Variants in CAMK1D observed in about 807,000 individuals in gnomAD.
The protein encoded by CAMK1D is calcium/calmodulin dependent protein kinase ID, also known as calcium/calmodulin-dependent protein kinase type 1D.
A neutral mutation model predicts 47.7 loss-of-function variants in CAMK1D; 9 were observed. The observed-to-expected ratio is 0.19, with a 90% CI of 0.11 to 0.33. The LOEUF is 0.33. Ranked by LOEUF, CAMK1D falls within the 10% of genes least tolerant of loss-of-function variation. The pLI, the probability that CAMK1D is intolerant of heterozygous loss-of-function variation, is 1.00. For missense variants in CAMK1D, 291 were observed against 488.7 expected, an observed-to-expected ratio of 0.60 and a Z score of 3.81; for synonymous variants, 184 against 184.9, an observed-to-expected ratio of 0.99 and a Z score of 0.04.
At chr10:12,571,559 G>C (rs950253936) in intron 2 of CAMK1D, among the ~76,000 whole-genome samples, 12 of 152,220 alleles carry the variant, frequency 7.9e-5, no homozygotes, top group Admixed American at 5.2e-4. Flanking sequence ...CCCCGGTGAT[G>C]CATTTGTATA....
intron 1 of CAMK1D, among the ~76,000 whole-genome samples, chr10:12,523,421 C>G (rs185987313): frequency 2.6e-5 from 4 of 152,184 alleles, no homozygotes; most frequent in Non-Finnish European, 5.9e-5. Flanking sequence ...TGTAGCCAGC[C>G]GAGATCAGGC....
At chr10:12,599,018 A>G (rs1838226209) in intron 2 of CAMK1D, among the ~76,000 whole-genome samples, 1 of 152,214 alleles carries the variant, frequency 6.6e-6, no homozygotes, top group African/African-American at 2.4e-5. Context: ...TCAGGTATTC[A>G]TAGAATTCAG....
chr10:12,801,630 A>G (rs1012908852), intron 6 of CAMK1D, among the ~76,000 whole-genome samples: 6 of 152,012 alleles, frequency 3.9e-5, no homozygotes, highest in Non-Finnish European at 5.9e-5. Context: ...CCATCTATCT[A>G]TCTACCTATT....
chr10:12,777,203 G>A (rs1321891905), intron 5 of CAMK1D, among the ~76,000 whole-genome samples: 2 of 152,076 alleles, frequency 1.3e-5, no homozygotes, highest in African/African-American at 4.8e-5. Flanking sequence ...GCTGGATCCC[G>A]CAGAGGATAC....
chr10:12,749,579 G>A (rs4996160), intron 3 of CAMK1D, among the ~76,000 whole-genome samples: 27 of 135,692 alleles, frequency 2.0e-4, no homozygotes, highest in Non-Finnish European at 3.4e-4. Context: ...TGTTTGTTTT[G>A]ATGAAGTCTC....
At chr10:12,752,558 C>G (rs981593606) in intron 3 of CAMK1D, among the ~76,000 whole-genome samples, 6 of 152,118 alleles carry the variant, frequency 3.9e-5, no homozygotes, top group Non-Finnish European at 7.4e-5. Context: ...TTCCATGTAA[C>G]AAGCTGTACT....
chr10:12,696,344 C>T (rs544223857), intron 3 of CAMK1D, among the ~76,000 whole-genome samples: 1 of 152,212 alleles, frequency 6.6e-6, no homozygotes, highest in East Asian at 1.9e-4. Flanking sequence ...TGAGATCAGC[C>T]TGACCAACAA....
chr10:12,808,237 G>A (rs1999369), intron 6 of CAMK1D, among the ~76,000 whole-genome samples: 33,984 of 152,122 alleles, frequency 0.22, 7,061 homozygotes, highest in African/African-American at 0.54. Context: ...AATAGCCTCT[G>A]CAGATTTCTA....
chr10:12,642,223 T>C (rs1016415413), intron 2 of CAMK1D, among the ~76,000 whole-genome samples: 8 of 152,210 alleles, frequency 5.3e-5, no homozygotes, highest in Non-Finnish European at 8.8e-5. Flanking sequence ...CACATTTCTA[T>C]ACTAATTGTG....
chr10:12,394,902 A>G (rs1838885133), intron 1 of CAMK1D, among the ~76,000 whole-genome samples: 1 of 152,002 alleles, frequency 6.6e-6, no homozygotes, highest in African/African-American at 2.4e-5. Context: ...GGCAGGCAGG[A>G]AAGAGGCTGC....
chr10:12,542,684 T>C (rs1836234872), intron 1 of CAMK1D, among the ~76,000 whole-genome samples: 2 of 152,350 alleles, frequency 1.3e-5, no homozygotes, highest in Admixed American at 6.5e-5. Flanking sequence ...TTTTTGACCA[T>C]TTTGTGATTA....
intron 1 of CAMK1D, among the ~76,000 whole-genome samples, chr10:12,445,526 A>G (rs1013510633): frequency 6.6e-6 from 1 of 152,194 alleles, no homozygotes; most frequent in African/African-American, 2.4e-5. Context: ...ACTGGGCAGA[A>G]GAGTAGACAG....
chr10:12,803,499 C>T (rs566322650), intron 6 of CAMK1D, among the ~76,000 whole-genome samples: 3 of 152,028 alleles, frequency 2.0e-5, no homozygotes, highest in Admixed American at 6.6e-5. Context: ...CTGGCCAACA[C>T]GGTGAAACCC....
intron 4 of CAMK1D, among the ~76,000 whole-genome samples, chr10:12,764,381 CAAA>C (rs56657709): frequency 2.4e-4 from 19 of 77,966 alleles, no homozygotes; most frequent in African/African-American, 9.3e-4. Context: ...CACTTTGTCT[CAAA>C]AAAAAAAAAA....
intron 3 of CAMK1D, among the ~76,000 whole-genome samples, chr10:12,699,046 C>G (rs1295387893): frequency 6.6e-6 from 1 of 151,914 alleles, no homozygotes. Context: ...AGGGGGATGC[C>G]TAATGATGTC....
chr10:12,377,092 A>G (rs574412395), intron 1 of CAMK1D, among the ~76,000 whole-genome samples: 1 of 152,170 alleles, frequency 6.6e-6, no homozygotes, highest in African/African-American at 2.4e-5. Context: ...ACATTTTGTT[A>G]TTGCATGGCT....
intron 5 of CAMK1D, among the ~76,000 whole-genome samples, chr10:12,774,367 T>C (rs1837179643): frequency 6.6e-6 from 1 of 151,944 alleles, no homozygotes; most frequent in African/African-American, 2.4e-5. Flanking sequence ...CATGCAGGTA[T>C]CTGGAGGGCA....
chr10:12,506,723 C>T (rs112986109), intron 1 of CAMK1D, among the ~76,000 whole-genome samples: 1,953 of 152,032 alleles, frequency 0.013, 39 homozygotes, highest in East Asian at 0.072. Flanking sequence ...TTTCACCGTG[C>T]TACCCGGGAT....
At chr10:12,419,812 T>C (rs1256440407) in intron 1 of CAMK1D, among the ~76,000 whole-genome samples, 1 of 152,238 alleles carries the variant, frequency 6.6e-6, no homozygotes, top group Non-Finnish European at 1.5e-5. Flanking sequence ...CCACAGTAGC[T>C]TTTCCACCAG....
Sources: gnomAD v4.1 joint callset for allele counts (sites outside exome capture counted in the v4.1 genomes callset) on GRCh38, gnomAD v4.1.1 for gene constraint, MANE v1.5 for transcripts, NCBI Gene and HGNC (gene_info 2026-07-23, HGNC 2026-07-21) for gene names.